MAMDC2: variants seen among roughly 807,000 people sequenced by gnomAD.
MAMDC2 encodes the protein MAM domain-containing protein 2.
MAMDC2 carries 57 observed loss-of-function variants against 89.8 expected under a neutral mutation model. That is an observed-to-expected ratio of 0.63 (90% CI 0.51 to 0.79). MAMDC2 has a LOEUF of 0.79. Among genes scored for constraint, MAMDC2 ranks in the 30% least tolerant of loss-of-function variants. The pLI is 0.00. For missense variants in MAMDC2, 800 were observed against 820.6 expected, an observed-to-expected ratio of 0.97 and a Z score of 0.31; for synonymous variants, 313 against 293.4, an observed-to-expected ratio of 1.07 and a Z score of -0.68.
rs752860247 is a variant in MAMDC2, at chr9:70,108,276, G to A, written c.214G>A (p.Asp72Asn). ...GGAGAAAGCTGTGCTGCTAAGTCCT[G>A]ACTTACAGGCTGAGGAATGGAGCTG... ...QGEKAVLLSP[D>N]LQAEEWSCLR... Residue 72 changes from aspartate to asparagine, a missense_variant, in exon 3 of 14, where the codon GAC becomes AAC. Transcript: ENST00000377182. 1.2e-6 allele frequency: 2 copies of A among 1,613,934 alleles called. No individual in the cohort carries two copies. Among genetic ancestry groups the A allele is most frequent in the Non-Finnish European group, 1.7e-6 (2 of 1,179,902 alleles).
At chr9:70,101,624 T>C (rs1467104763) in intron 2 of MAMDC2, among the ~76,000 whole-genome samples, 1 of 152,252 alleles carries the variant, frequency 6.6e-6, no homozygotes, top group Non-Finnish European at 1.5e-5. Flanking sequence ...TTCAGTACAG[T>C]AACATACTGT....
intron 5 of MAMDC2, among the ~76,000 whole-genome samples, chr9:70,114,320 A>C (rs74788930): frequency 6.7e-6 from 1 of 148,642 alleles, no homozygotes; most frequent in African/African-American, 2.5e-5. Flanking sequence ...CTTGGCTCCA[A>C]TGAGTTGCTG....
intron 9 of MAMDC2, among the ~76,000 whole-genome samples, chr9:70,145,182 A>T (rs987555725): frequency 6.6e-6 from 1 of 152,190 alleles, no homozygotes; most frequent in Non-Finnish European, 1.5e-5. Flanking sequence ...AATTAAGTAG[A>T]TAGTGTTGTA....
intron 12 of MAMDC2, among the ~76,000 whole-genome samples, chr9:70,222,956 T>C (rs1157280084): frequency 1.3e-5 from 2 of 151,872 alleles, no homozygotes; most frequent in East Asian, 1.9e-4. Context: ...CTGGACAGCA[T>C]GGCAAAACCC....
intron 12 of MAMDC2, among the ~76,000 whole-genome samples, chr9:70,223,986 G>C (rs1267564694): frequency 1.3e-5 from 2 of 152,090 alleles, no homozygotes; most frequent in Admixed American, 1.3e-4. Context: ...CCAAATCATA[G>C]ACTATTCAGA....
intron 2 of MAMDC2, among the ~76,000 whole-genome samples, chr9:70,069,564 A>C (rs1178982009): frequency 2.6e-5 from 4 of 152,210 alleles, no homozygotes; most frequent in African/African-American, 9.6e-5. Flanking sequence ...GATACCTGAT[A>C]AGTTTTAACA....
At chr9:70,195,684 C>A (rs995437550) in intron 11 of MAMDC2, among the ~76,000 whole-genome samples, 11 of 152,022 alleles carry the variant, frequency 7.2e-5, no homozygotes, top group African/African-American at 2.2e-4. Flanking sequence ...CACTTAATAG[C>A]CATCTCCATT....
intron 5 of MAMDC2, 25 bp downstream of exon 5, chr9:70,113,157 T>G: frequency 6.2e-7 from 1 of 1,611,754 alleles, no homozygotes; most frequent in Non-Finnish European, 8.5e-7. Flanking sequence ...AATAGAGTCC[T>G]TTTCCCAGGA....
At chr9:70,115,686 C>G (rs1357141133) in intron 5 of MAMDC2, among the ~76,000 whole-genome samples, 1 of 152,132 alleles carries the variant, frequency 6.6e-6, no homozygotes, top group Non-Finnish European at 1.5e-5. Flanking sequence ...ATATTTTTAC[C>G]TTATAAATAA....
intron 2 of MAMDC2, among the ~76,000 whole-genome samples, chr9:70,054,729 A>G (rs185513200): frequency 2.6e-5 from 4 of 152,264 alleles, no homozygotes; most frequent in Admixed American, 1.3e-4. Flanking sequence ...TTGATGATTC[A>G]GAAACCCTAA....
chr9:70,170,823 T>A, intron 11 of MAMDC2, 192 bp downstream of exon 11: 1 of 495,580 alleles, frequency 2.0e-6, no homozygotes, highest in Non-Finnish European at 3.4e-6. Flanking sequence ...TTACATTGCT[T>A]ATGTACATTG....
At chr9:70,182,257 C>T (rs534309889) in intron 11 of MAMDC2, among the ~76,000 whole-genome samples, 1 of 152,220 alleles carries the variant, frequency 6.6e-6, no homozygotes, top group African/African-American at 2.4e-5. Flanking sequence ...TTCGGTTGGT[C>T]AGTATTTTAT....
intron 2 of MAMDC2, among the ~76,000 whole-genome samples, chr9:70,079,674 T>G (rs990013034): frequency 6.6e-6 from 1 of 152,198 alleles, no homozygotes; most frequent in Admixed American, 6.5e-5. Flanking sequence ...GGAAAATGGC[T>G]ACTTGTTTAT....
Position 70,085,020 on chromosome 9 carries a change from TC to T in MAMDC2, c.149-23189del, listed in dbSNP as rs202184150. On this transcript the variant is annotated intron_variant, in intron 2 of 13. Transcript: ENST00000377182. Reference sequence around the variant, plus strand: ...GATACATAATTTACTATATCACACTTCCTTTAATCTGTAAATATAAGTACCC... The same window carrying T: ...GATACATAATTTACTATATCACACTTCTTTAATCTGTAAATATAAGTACCC... Among the ~76,000 whole-genome samples the T allele has an allele frequency of 9.4e-3, 1,425 of 152,166 alleles. 8 individuals carry two copies. The highest frequency in any genetic ancestry group is 0.014 in the Non-Finnish European group (934 of 67,972).
intron 11 of MAMDC2, chr9:70,172,812 C>G (rs1411959692): frequency 6.5e-6 from 1 of 153,062 alleles, no homozygotes; most frequent in Non-Finnish European, 1.5e-5. Context: ...ACCAGATGCT[C>G]ACTTTCAGCA....
At chr9:70,216,843 A>T (rs1321182556) in intron 11 of MAMDC2, among the ~76,000 whole-genome samples, 1 of 152,238 alleles carries the variant, frequency 6.6e-6, no homozygotes, top group Non-Finnish European at 1.5e-5. Flanking sequence ...TACTTCAGTG[A>T]CATGATAGTG....
chr9:70,129,494 A>C (rs907358655), intron 6 of MAMDC2, among the ~76,000 whole-genome samples: 7 of 152,072 alleles, frequency 4.6e-5, no homozygotes, highest in African/African-American at 1.7e-4. Context: ...ATCCAGGCCC[A>C]CCTAGCTAAT....
At chr9:70,045,581 T>G (rs1192254456) in intron 2 of MAMDC2, among the ~76,000 whole-genome samples, 1 of 152,068 alleles carries the variant, frequency 6.6e-6, no homozygotes, top group Non-Finnish European at 1.5e-5. Flanking sequence ...CCCACTCAAT[T>G]GTCCTCAGGC....
At chr9:70,106,992 C>A (rs149257756) in intron 2 of MAMDC2, among the ~76,000 whole-genome samples, 11 of 152,118 alleles carry the variant, frequency 7.2e-5, no homozygotes, top group Non-Finnish European at 1.0e-4. Flanking sequence ...AACAAAGAGG[C>A]TTTTCAGATC....
Sources: allele counts gnomAD v4.1 joint callset (sites outside exome capture counted in the v4.1 genomes callset), GRCh38; gene constraint gnomAD v4.1.1; transcripts MANE v1.5; gene names NCBI Gene and HGNC (gene_info 2026-07-23, HGNC 2026-07-21).